NDRG3: variants seen among roughly 807,000 people sequenced by gnomAD.
NDRG3 encodes the protein protein NDRG3.
A neutral mutation model predicts 57.2 loss-of-function variants in NDRG3; 23 were observed. That is an observed-to-expected ratio of 0.40 (90% CI 0.29 to 0.57). NDRG3 has a LOEUF of 0.57. Among genes scored for constraint, NDRG3 ranks in the 20% least tolerant of loss-of-function variants. The pLI is 0.42. For missense variants in NDRG3, 384 were observed against 457.3 expected (o/e 0.84, Z 1.46); for synonymous variants, 132 against 162.6 (o/e 0.81, Z 1.43).
chr20:36,725,600 TAAAAAAA>T (rs548128722), intron 1 of NDRG3, among the ~76,000 whole-genome samples: 3 of 82,426 alleles, frequency 3.6e-5, no homozygotes, highest in Non-Finnish European at 7.3e-5. Flanking sequence ...AGACTCCGTC[TAAAAAAA>T]AAAAAAAAAA....
intron 1 of NDRG3, among the ~76,000 whole-genome samples, chr20:36,722,426 A>G (rs920222022): frequency 6.6e-6 from 1 of 152,196 alleles, no homozygotes; most frequent in African/African-American, 2.4e-5. Flanking sequence ...AGGCTACTAC[A>G]TTTGCGGTAA....
intron 2 of NDRG3, among the ~76,000 whole-genome samples, chr20:36,719,640 C>T (rs1056798298): frequency 2.3e-4 from 35 of 151,970 alleles, no homozygotes; most frequent in Non-Finnish European, 4.3e-4. Flanking sequence ...TAATAAGCAA[C>T]AGATCATCCC....
At chr20:36,686,818 C>G (rs1481917765) in intron 5 of NDRG3, among the ~76,000 whole-genome samples, 2 of 152,138 alleles carry the variant, frequency 1.3e-5, no homozygotes, top group African/African-American at 4.8e-5. Context: ...TCAGAGAGAT[C>G]TGAATTTGGG....
intron 3 of NDRG3, among the ~76,000 whole-genome samples, chr20:36,698,917 TTA>T (rs1485707961): frequency 6.6e-6 from 1 of 152,102 alleles, no homozygotes; most frequent in African/African-American, 2.4e-5. Flanking sequence ...TTCTGTTTAT[TTA>T]TATATATGTA....
At chr20:36,718,773 C>A (rs1984419338) in intron 2 of NDRG3, among the ~76,000 whole-genome samples, 3 of 152,116 alleles carry the variant, frequency 2.0e-5, no homozygotes, top group African/African-American at 7.2e-5. Context: ...CTCAACCTCC[C>A]AGGCTCAAGT....
intron 1 of NDRG3, among the ~76,000 whole-genome samples, chr20:36,722,081 T>A (rs577369510): frequency 6.6e-6 from 1 of 152,136 alleles, no homozygotes; most frequent in South Asian, 2.1e-4. Flanking sequence ...TTTGCATGAT[T>A]ACATTATATA....
At chr20:36,707,302 A>G (rs1983602809) in intron 2 of NDRG3, among the ~76,000 whole-genome samples, 2 of 152,180 alleles carry the variant, frequency 1.3e-5, no homozygotes, top group South Asian at 4.1e-4. Context: ...GAGAGCGGTG[A>G]GAATTTGCAG....
At chr20:36,728,828 C>T (rs1006374853) in intron 1 of NDRG3, among the ~76,000 whole-genome samples, 1 of 151,984 alleles carries the variant, frequency 6.6e-6, no homozygotes. Context: ...TGGGCTCAAG[C>T]GATTCTCCTG....
At chr20:36,725,986 T>C (rs1568668323) in intron 1 of NDRG3, among the ~76,000 whole-genome samples, 1 of 149,382 alleles carries the variant, frequency 6.7e-6, no homozygotes, top group Non-Finnish European at 1.5e-5. Flanking sequence ...TGGAGTGCAG[T>C]GGCACAATCA....
At chr20:36,679,190 C>A (rs1029294779) in intron 8 of NDRG3, among the ~76,000 whole-genome samples, 1 of 152,200 alleles carries the variant, frequency 6.6e-6, no homozygotes, top group African/African-American at 2.4e-5. Flanking sequence ...AACTCCTGAC[C>A]TCAAGTGATC....
chr20:36,716,532 C>CAAA (rs35687613), intron 2 of NDRG3, among the ~76,000 whole-genome samples: 2 of 100,504 alleles, frequency 2.0e-5, no homozygotes, highest in South Asian at 6.9e-4. Context: ...GACTCCATCT[C>CAAA]AAAAAAAAAA....
intron 2 of NDRG3, among the ~76,000 whole-genome samples, chr20:36,718,188 G>A (rs974348019): frequency 3.3e-5 from 5 of 152,194 alleles, no homozygotes; most frequent in Admixed American, 1.3e-4. Flanking sequence ...CACTTGCTGC[G>A]CAAAGACAGA....
chr20:36,712,581 ATATATAT>A (rs1284685322), intron 2 of NDRG3, among the ~76,000 whole-genome samples: 412 of 13,398 alleles, frequency 0.031, 16 homozygotes, highest in African/African-American at 0.1. Flanking sequence ...ATATATATAT[ATATATAT>A]TTTTTTTTTT....
intron 1 of NDRG3, among the ~76,000 whole-genome samples, chr20:36,722,559 C>A (rs1031006827): frequency 1.3e-5 from 2 of 152,158 alleles, no homozygotes; most frequent in Non-Finnish European, 2.9e-5. Flanking sequence ...TTGGAACAGA[C>A]TGGAAGACGG....
intron 12 of NDRG3, among the ~76,000 whole-genome samples, chr20:36,661,072 T>C (rs1252837668): frequency 6.6e-6 from 1 of 152,214 alleles, no homozygotes; most frequent in African/African-American, 2.4e-5. Context: ...GATCTTTTAA[T>C]GGCTTCTGAG....
intron 8 of NDRG3, among the ~76,000 whole-genome samples, chr20:36,680,557 T>C (rs1981186595): frequency 6.6e-6 from 1 of 151,916 alleles, no homozygotes. Flanking sequence ...AGATAAAACT[T>C]ATCTCTGGTA....
At chr20:36,682,672 G>A (rs1981409638) in intron 6 of NDRG3, 94 bp from the exon 7 acceptor site, 1 of 1,047,916 alleles carries the variant, frequency 9.5e-7, no homozygotes, top group East Asian at 2.5e-5. Context: ...TGAAATCCTG[G>A]CTCTGATATT....
chr20:36,723,771 A>G (rs931514613), intron 1 of NDRG3, among the ~76,000 whole-genome samples: 8 of 151,010 alleles, frequency 5.3e-5, no homozygotes, highest in African/African-American at 2.0e-4. Flanking sequence ...CAGTGGCACA[A>G]TCGTGGTTCA....
At chr20:36,700,681 T>G (rs1452687148) in intron 3 of NDRG3, 1 of 321,476 alleles carries the variant, frequency 3.1e-6, no homozygotes, top group Non-Finnish European at 6.1e-6. Context: ...ACAATGAGCC[T>G]GTGCTCAAAG....
Sources: gnomAD v4.1 joint callset for allele counts (sites outside exome capture counted in the v4.1 genomes callset) on GRCh38, gnomAD v4.1.1 for gene constraint, MANE v1.5 for transcripts, NCBI Gene and HGNC (gene_info 2026-07-23, HGNC 2026-07-21) for gene names.